Variants in KCNK12 observed in about 807,000 individuals in gnomAD.
KCNK12 encodes potassium two pore domain channel subfamily K member 12, also known as potassium channel subfamily K member 12.
KCNK12 carries 6 observed loss-of-function variants against 25.3 expected under a neutral mutation model. The observed-to-expected ratio is 0.24, with a 90% CI of 0.13 to 0.47. The LOEUF (loss-of-function observed/expected upper bound fraction) is 0.47, where lower values mean the gene tolerates loss of function less well. Ranked by LOEUF, KCNK12 falls within the 20% of genes least tolerant of loss-of-function variation. The pLI, the probability that KCNK12 is intolerant of heterozygous loss-of-function variation, is 0.99. For missense variants in KCNK12, 444 were observed against 661.7 expected, an observed-to-expected ratio of 0.67 and a Z score of 3.61; for synonymous variants, 331 against 311.1, an observed-to-expected ratio of 1.06 and a Z score of -0.67.
rs1019867808 is a variant in KCNK12 at position 47,562,149 on chromosome 2, G to C, written c.391+7792C>G. 23 of 398,538 alleles carry C rather than the reference G, an allele frequency of 5.8e-5. No homozygotes were observed. Among genetic ancestry groups the C allele is most frequent in the Non-Finnish European group, 8.8e-5 (20 of 226,086 alleles). 24.7% of individuals were successfully genotyped at this position (398,538 alleles called of 1,614,324 possible). A position where few individuals can be genotyped will look rare whatever the true frequency, so the allele number is the denominator to read the frequency against. On this transcript the variant is annotated intron_variant, in intron 1 of 1. Coordinates refer to ENST00000327876, the MANE Select transcript of KCNK12 (RefSeq NM_022055.2). This position sits in a 1 kb window ranked among gnomAD's most constrained non-coding sequence, Gnocchi z 4.8. ...GCTCATGAGGAATGCAGACTGTCAG[G>C]TCCCACCCCAGACCTACTCAACAGA...
chr2:47,542,966 C>G (rs1292870460), intron 1 of KCNK12, among the ~76,000 whole-genome samples: 1 of 152,078 alleles, frequency 6.6e-6, no homozygotes, highest in Non-Finnish European at 1.5e-5. Flanking sequence ...GTTGCCAAGC[C>G]TGGAGTGCAG....
In KCNK12 at chr2:47,518,692, CT is replaced by C. The variant is rs1219768740; in HGVS notation, c.*2214del. On this transcript the variant is annotated 3_prime_UTR_variant, in exon 2 of 2. Coordinates refer to ENST00000327876, the MANE Select transcript of KCNK12 (RefSeq NM_022055.2). The surrounding 1 kb of genome is among the most constrained non-coding windows in gnomAD (Gnocchi z 4.1). The stretch of plus-strand genomic sequence containing the variant: ...ACAGTCTTGATGCCTGGGTTTTAGG[CT>C]GCTGTACTGTTGCTGGGGCTCACTT... 6.6e-6 allele frequency: 1 copy of C among 152,476 alleles called. No individual in the cohort carries two copies. The highest frequency in any genetic ancestry group is 2.4e-5 in the African/African-American group (1 of 41,456). 9.4% of individuals were successfully genotyped at this position (152,476 alleles called of 1,614,324 possible). A position where few individuals can be genotyped will look rare whatever the true frequency, so the allele number is the denominator to read the frequency against.
Position 47,521,366 on chromosome 2 carries a change from C to G in KCNK12, c.834G>C (p.Leu278=). The G allele has an allele frequency of 1.2e-6, 2 of 1,613,636 alleles. No individual in the cohort carries two copies. The highest frequency in any genetic ancestry group is 1.7e-5 in the Admixed American group (1 of 59,968). ...CGAGCAGGATGAAGAGGAAGTTGCC[C>G]AGGCGGTAGAGCCCCTGGTTCCGGT... ...AAYRNQGLYR[L]GNFLFILLGV... Residue 278 remains leucine (L), a synonymous_variant, in exon 2 of 2, where the codon CTG becomes CTC. Transcript: ENST00000327876.
intron 1 of KCNK12, among the ~76,000 whole-genome samples, chr2:47,553,270 G>T (rs775016746): frequency 3.3e-5 from 5 of 152,200 alleles, no homozygotes; most frequent in Non-Finnish European, 7.3e-5. Context: ...CACTTAGAGC[G>T]CGTAAAGAAA....
In KCNK12 at chr2:47,517,602, A is replaced by G. The variant is rs866782598; in HGVS notation, c.*3305T>C. 2.6e-5 allele frequency: 4 copies of G among 152,098 alleles called. 1 individual carries two copies. The highest frequency in any genetic ancestry group is 5.9e-5 in the Non-Finnish European group (4 of 68,018). The allele number at this position is 152,098 out of a possible 1,614,324, so 9.4% of individuals were successfully genotyped here. On this transcript the variant is annotated 3_prime_UTR_variant, in exon 2 of 2. Coordinates refer to ENST00000327876, the MANE Select transcript of KCNK12 (RefSeq NM_022055.2). The surrounding 1 kb of genome is among the most constrained non-coding windows in gnomAD (Gnocchi z 4.1). ...TATGTGTGTGTGTATATATATATAC[A>G]TATATGCATGATGCTGTGCAAATGC...
At position 47,529,237 on chromosome 2, in the gene KCNK12, G is replaced by T. The variant is rs1668865080; in HGVS notation, c.392-7429C>A. On this transcript the variant is annotated intron_variant, in intron 1 of 1. Coordinates refer to ENST00000327876, the MANE Select transcript of KCNK12 (RefSeq NM_022055.2). This position sits in a 1 kb window ranked among gnomAD's most constrained non-coding sequence, Gnocchi z 4.3. The stretch of plus-strand genomic sequence containing the variant: ...AGGACAGCATGTATAAACCAGGGCT[G>T]TTCCAAGCAACTGGGACACATGATT... The T allele has an allele frequency of 6.6e-6, 1 of 152,198 alleles. No homozygotes were observed. Among genetic ancestry groups the T allele is most frequent in the African/African-American group, 2.4e-5 (1 of 41,440 alleles). 9.4% of individuals were successfully genotyped at this position (152,198 alleles called of 1,614,324 possible). A position where few individuals can be genotyped will look rare whatever the true frequency, so the allele number is the denominator to read the frequency against.
chr2:47,563,007 A>T (rs1269828373), intron 1 of KCNK12: 1 of 233,370 alleles, frequency 4.3e-6, no homozygotes, highest in Non-Finnish European at 8.5e-6. Context: ...AGGACTCCAG[A>T]GCTGGGGGTG....
rs1046425851 is a variant in KCNK12 at position 47,570,234 on chromosome 2, T to C, written c.98A>G (p.Asn33Ser). Residue 33 changes from asparagine (N) to serine (S), a missense_variant, in exon 1 of 2, where the codon AAC becomes AGC. Physicochemically the swap from Asn to Ser is conservative, Grantham distance 46 (BLOSUM62 1). Around this residue, in one of 8 missense-constraint regions of KCNK12, gnomAD observed 67 missense variants for 59.2 expected, o/e 1.13. Transcript: ENST00000327876. Reference protein sequence around the residue: ...CCCCCRRSHLNEDTGRFVLLA... With the variant: ...CCCCCRRSHLSEDTGRFVLLA... ...CAGCACGAAGCGGCCGGTGTCCTCG[T>C]TGAGGTGCGAACGGCGGCAGCAGCA... 3 of 1,471,652 alleles carry C rather than the reference T, an allele frequency of 2.0e-6. No individual in the cohort carries two copies. Among genetic ancestry groups the C allele is most frequent in the African/African-American group, 2.9e-5 (2 of 68,680 alleles). The allele number at this position is 1,471,652 out of a possible 1,614,324, so 91.2% of individuals were successfully genotyped here. A position where few individuals can be genotyped will look rare whatever the true frequency, so the allele number is the denominator to read the frequency against.
chr2:47,534,659 TG>T (rs1186092736), intron 1 of KCNK12, among the ~76,000 whole-genome samples: 1 of 151,578 alleles, frequency 6.6e-6, no homozygotes, highest in African/African-American at 2.4e-5. Flanking sequence ...AGCAATGAGA[TG>T]AAGAAAGCTC....
chr2:47,512,302 G>A lies in KCNK12; in HGVS notation c.*8605C>T. Reference sequence around the variant, plus strand: ...TTCTCCTCTCTTCTCCTTCCTTTCAGAACCTCAGAGTGACAGAGCCAAAAG... The same window carrying A: ...TTCTCCTCTCTTCTCCTTCCTTTCAAAACCTCAGAGTGACAGAGCCAAAAG... On this transcript the variant is annotated 3_prime_UTR_variant, in exon 2 of 2. Coordinates refer to ENST00000327876, the MANE Select transcript of KCNK12 (RefSeq NM_022055.2). 1 of 1,612,374 alleles carries A rather than the reference G, an allele frequency of 6.2e-7. No individual in the cohort carries two copies. Among genetic ancestry groups the A allele is most frequent in the Non-Finnish European group, 8.5e-7 (1 of 1,179,750 alleles).
chr2:47,532,197 A>G lies in KCNK12; in HGVS notation c.392-10389T>C, dbSNP rs1384836675. ...TCCTGGAGCACACATTCTAGTAACA[A>G]TAAGCAAACAAACAAATTTGTAAAT... On this transcript the variant is annotated intron_variant, in intron 1 of 1. Coordinates refer to ENST00000327876, the MANE Select transcript of KCNK12 (RefSeq NM_022055.2). Among the ~76,000 whole-genome samples the G allele has an allele frequency of 4.6e-5, 7 of 150,966 alleles. No individual in the cohort carries two copies. The South Asian group carries it at 1.0e-3, about 23-fold the overall frequency.
Position 47,521,234 on chromosome 2 carries a change from G to A in KCNK12, c.966C>T (p.Cys322=), listed in dbSNP as rs1352990814. The A allele has an allele frequency of 6.2e-7, 1 of 1,601,492 alleles. No individual in the cohort carries two copies. The highest frequency in any genetic ancestry group is 8.5e-7 in the Non-Finnish European group (1 of 1,174,328). ...GGGCCAGGGGCGCGCCAGGAGCCGG[G>A]CAGCAGCGCGCGCAGCAGCGGCAGC... ...KLSCRCCARC[C]PAPGAPLARR... Residue 322 remains cysteine, a synonymous_variant, in exon 2 of 2, where the codon TGC becomes TGT. Coordinates refer to ENST00000327876, the MANE Select transcript of KCNK12 (RefSeq NM_022055.2).
chr2:47,566,023 A>G lies in KCNK12; in HGVS notation c.391+3918T>C, dbSNP rs1015660772. The G allele has an allele frequency of 6.6e-6, 1 of 152,250 alleles. No individual in the cohort carries two copies. Among genetic ancestry groups the G allele is most frequent in the African/African-American group, 2.4e-5 (1 of 41,466 alleles). 9.4% of individuals were successfully genotyped at this position (152,250 alleles called of 1,614,324 possible). A position where few individuals can be genotyped will look rare whatever the true frequency, so the allele number is the denominator to read the frequency against. ...GTCACATAGCATAAATGGGAGAAAT[A>G]ATAATTACCCAGGATTTCAGTTCAG... On this transcript the variant is annotated intron_variant, in intron 1 of 1. Transcript: ENST00000327876. This position sits in a 1 kb window ranked among gnomAD's most constrained non-coding sequence, Gnocchi z 4.1.
In KCNK12 at chr2:47,538,880, G is replaced by A. The variant is rs1669134015; in HGVS notation, c.392-17072C>T. 1.3e-5 allele frequency among the ~76,000 whole-genome samples: 2 copies of A among 152,180 alleles called. No homozygotes were observed. The highest frequency in any genetic ancestry group is 4.8e-5 in the African/African-American group (2 of 41,434). On this transcript the variant is annotated intron_variant, in intron 1 of 1. Transcript: ENST00000327876. The surrounding 1 kb of genome is among the most constrained non-coding windows in gnomAD (Gnocchi z 4.5). ...ACTTTCATTTGATTTTAATGTGAGGGAGAAACATAAACTAGTAGTTTTACA... is the reference window on the plus strand; with the variant it reads ...ACTTTCATTTGATTTTAATGTGAGGAAGAAACATAAACTAGTAGTTTTACA...
chr2:47,561,085 T>C (rs1669659512), intron 1 of KCNK12, among the ~76,000 whole-genome samples: 1 of 152,160 alleles, frequency 6.6e-6, no homozygotes. Context: ...CAGAGAAGTG[T>C]GGCGGGACCT....
chr2:47,544,149 G>A (rs556241351), intron 1 of KCNK12, among the ~76,000 whole-genome samples: 7 of 152,308 alleles, frequency 4.6e-5, no homozygotes, highest in East Asian at 1.9e-4. Context: ...CCACCCTGAC[G>A]TCAGACACAC....
intron 1 of KCNK12, among the ~76,000 whole-genome samples, chr2:47,537,383 T>C (rs1669096677): frequency 6.6e-6 from 1 of 151,438 alleles, no homozygotes; most frequent in South Asian, 2.1e-4. Flanking sequence ...CAGGCTGGAG[T>C]GCACTGGCGC....
At chr2:47,563,039 C>T (rs1023375166) in intron 1 of KCNK12, 1 of 233,264 alleles carries the variant, frequency 4.3e-6, no homozygotes, top group African/African-American at 2.2e-5. Context: ...GACCAACGGC[C>T]TTTTGTTGTT....
At chr2:47,539,850 G>A (rs1427961379) in intron 1 of KCNK12, among the ~76,000 whole-genome samples, 2 of 151,726 alleles carry the variant, frequency 1.3e-5, no homozygotes, top group Admixed American at 6.5e-5. Context: ...ACCATCCACA[G>A]CTGAAGTGCT....
Sources: gnomAD v4.1 joint callset for allele counts (sites outside exome capture counted in the v4.1 genomes callset) on GRCh38, gnomAD v4.1.1 for gene constraint, gnomAD v4.1.1 regional missense constraint, Gnocchi (gnomAD v3.1) non-coding constraint, MANE v1.5 for transcripts, NCBI Gene and HGNC (gene_info 2026-07-23, HGNC 2026-07-21) for gene names.